Variants in MGAT4C observed in about 807,000 individuals in gnomAD.
MGAT4C encodes alpha-1,3-mannosyl-glycoprotein 4-beta-N-acetylglucosaminyltransferase C.
A neutral mutation model predicts 40.1 loss-of-function variants in MGAT4C; 19 were observed. The ratio of observed to expected loss-of-function variants is 0.47; its 90% CI spans 0.33 to 0.70. The LOEUF is 0.70. MGAT4C is among the 30% of genes least tolerant of loss of function. MGAT4C has a pLI of 0.02. For synonymous variants in MGAT4C, 181 were observed against 187.1 expected (o/e 0.97, Z 0.27); for missense variants, 491 against 563.2 (o/e 0.87, Z 1.30).
chr12:86,048,993 T>C (rs1241297911), intron 2 of MGAT4C, among the ~76,000 whole-genome samples: 1 of 152,004 alleles, frequency 6.6e-6, no homozygotes, highest in Non-Finnish European at 1.5e-5. Context: ...ATAAAAATAC[T>C]TTCAGACAAA....
chr12:86,521,593 T>C lies in MGAT4C; in HGVS notation c.-228-86328A>G, dbSNP rs182779824. Among the ~76,000 whole-genome samples, 43 of 152,142 alleles carry C rather than the reference T, an allele frequency of 2.8e-4. No homozygotes were observed. The East Asian group carries it at 4.4e-3, about 16-fold the overall frequency. Reference sequence around the variant, plus strand: ...GTTTGTTTGTCTTTTTGGTTCCATATGAATTTTTAATTTTTTTTCTAGTCT... The same window carrying C: ...GTTTGTTTGTCTTTTTGGTTCCATACGAATTTTTAATTTTTTTTCTAGTCT... On this transcript the variant is annotated intron_variant, in intron 2 of 7. Coordinates refer to the MGAT4C transcript ENST00000548651.
intron 2 of MGAT4C, among the ~76,000 whole-genome samples, chr12:86,673,037 A>T (rs1964299766): frequency 6.6e-6 from 1 of 152,194 alleles, no homozygotes; most frequent in Non-Finnish European, 1.5e-5. Flanking sequence ...AAATATAGCA[A>T]CATGTCTAAT....
chr12:86,151,086 CT>C (rs369089388), intron 1 of MGAT4C, among the ~76,000 whole-genome samples: 1 of 152,260 alleles, frequency 6.6e-6, no homozygotes, highest in African/African-American at 2.4e-5. Flanking sequence ...ACTGCTCAGA[CT>C]GGTAAAGCAT....
rs1304202674 is a variant in MGAT4C, at chr12:85,978,350, A to G, written c.*939T>C. ...AAGTCAACTAATTTCTATGGTTCTT[A>G]CTTTTCTCCTTTATAATATACCCAT... On this transcript the variant is annotated 3_prime_UTR_variant, in exon 5 of 5. Transcript: ENST00000611864. The G allele has an allele frequency of 6.6e-6, 1 of 151,670 alleles. No individual in the cohort carries two copies. Among genetic ancestry groups the G allele is most frequent in the African/African-American group, 2.4e-5 (1 of 41,410 alleles). The allele number at this position is 151,670 out of a possible 1,614,324, so 9.4% of individuals were successfully genotyped here. A position where few individuals can be genotyped will look rare whatever the true frequency, so the allele number is the denominator to read the frequency against.
At chr12:86,204,291 T>C (rs1361701171) in intron 1 of MGAT4C, among the ~76,000 whole-genome samples, 1 of 152,000 alleles carries the variant, frequency 6.6e-6, no homozygotes, top group Non-Finnish European at 1.5e-5. Context: ...GGTTATAGTA[T>C]GTGAGTGAAT....
intron 1 of MGAT4C, among the ~76,000 whole-genome samples, chr12:86,790,539 C>A (rs948622155): frequency 1.7e-4 from 26 of 152,102 alleles, no homozygotes; most frequent in African/African-American, 4.8e-4. Flanking sequence ...ATATGAGAAT[C>A]TATTTTCTAT....
chr12:85,983,776 T>C (rs113479350), intron 3 of MGAT4C, 106 bp from the exon 4 acceptor site: 65 of 885,806 alleles, frequency 7.3e-5, no homozygotes, highest in Non-Finnish European at 9.3e-5. Context: ...ATATATAGTA[T>C]GCAGGGTTAT....
intron 1 of MGAT4C, among the ~76,000 whole-genome samples, chr12:86,251,540 A>G (rs576807660): frequency 6.6e-6 from 1 of 152,176 alleles, no homozygotes; most frequent in East Asian, 1.9e-4. Flanking sequence ...TAGCATGATC[A>G]TAGCCTCTTC....
chr12:86,158,595 C>T (rs1027519506), intron 1 of MGAT4C, among the ~76,000 whole-genome samples: 18 of 152,072 alleles, frequency 1.2e-4, no homozygotes, highest in Admixed American at 2.6e-4. Flanking sequence ...ATGCTTTATT[C>T]CCATTTAGGT....
At chr12:86,110,336 T>G (rs943797772) in intron 1 of MGAT4C, among the ~76,000 whole-genome samples, 1 of 29,580 alleles carries the variant, frequency 3.4e-5, no homozygotes, top group African/African-American at 1.4e-4. Context: ...TCTCTGTATA[T>G]AGTCTCTCTC....
chr12:86,159,579 G>T (rs1042186195), intron 1 of MGAT4C, among the ~76,000 whole-genome samples: 4 of 151,908 alleles, frequency 2.6e-5, no homozygotes, highest in Admixed American at 2.6e-4. Context: ...CAACTTTTTG[G>T]AATGATTTTA....
intron 2 of MGAT4C, among the ~76,000 whole-genome samples, chr12:86,625,768 G>A (rs769796306): frequency 1.3e-5 from 2 of 151,850 alleles, no homozygotes; most frequent in Non-Finnish European, 2.9e-5. Context: ...TATCTACTGA[G>A]AAATAGGAAA....
chr12:86,277,101 C>T (rs889018385), intron 4 of MGAT4C, among the ~76,000 whole-genome samples: 2 of 152,064 alleles, frequency 1.3e-5, no homozygotes, highest in Non-Finnish European at 2.9e-5. Context: ...TTTCTGGTTG[C>T]CTGTGTTTTG....
chr12:86,676,350 G>A (rs906042123), intron 2 of MGAT4C, among the ~76,000 whole-genome samples: 12 of 152,160 alleles, frequency 7.9e-5, no homozygotes, highest in East Asian at 1.9e-4. Flanking sequence ...AGCTTTGAGC[G>A]AATTCACAGG....
Position 86,526,383 on chromosome 12 carries a change from AAC to A in MGAT4C, c.-228-91120_-228-91119del, listed in dbSNP as rs200834477. Among the ~76,000 whole-genome samples, 5 of 152,036 alleles carry A rather than the reference AAC, an allele frequency of 3.3e-5. No homozygotes were observed. The South Asian group carries it at 6.2e-4, about 19-fold the overall frequency. The stretch of plus-strand genomic sequence containing the variant: ...TGCACACTGGTGGAGCAAGAAAAGC[AAC>A]ACACACACACAAAGTGATATGGAGG... On this transcript the variant is annotated intron_variant, in intron 2 of 7. Coordinates refer to the MGAT4C transcript ENST00000548651.
At chr12:86,235,871 T>G (rs943936794) in intron 1 of MGAT4C, among the ~76,000 whole-genome samples, 9 of 152,034 alleles carry the variant, frequency 5.9e-5, no homozygotes, top group Non-Finnish European at 2.9e-5. Context: ...TGGAATAAAG[T>G]TGGTGTTAAA....
At chr12:86,052,666 T>A (rs1189592066) in intron 1 of MGAT4C, among the ~76,000 whole-genome samples, 1 of 151,908 alleles carries the variant, frequency 6.6e-6, no homozygotes, top group Non-Finnish European at 1.5e-5. Context: ...AGAAAGATAA[T>A]CTTTCCCTCA....
At chr12:86,567,139 T>A (rs1366200441) in intron 2 of MGAT4C, among the ~76,000 whole-genome samples, 1 of 152,148 alleles carries the variant, frequency 6.6e-6, no homozygotes, top group Non-Finnish European at 1.5e-5. Flanking sequence ...GTATCCAATA[T>A]ATGGTACTGT....
intron 3 of MGAT4C, among the ~76,000 whole-genome samples, chr12:86,433,936 A>T (rs573833887): frequency 6.6e-6 from 1 of 152,154 alleles, no homozygotes; most frequent in South Asian, 2.1e-4. Flanking sequence ...TTTAAGCTAC[A>T]TATTTCCTCT....
Sources: allele counts gnomAD v4.1 joint callset (sites outside exome capture counted in the v4.1 genomes callset), GRCh38; gene constraint gnomAD v4.1.1; transcripts MANE v1.5; gene names NCBI Gene and HGNC (gene_info 2026-07-23, HGNC 2026-07-21).